ASXL1: variants seen among roughly 807,000 people sequenced by gnomAD.
The protein encoded by ASXL1 is polycomb group protein ASXL1.
ASXL1 carries 65 observed loss-of-function variants against 89.1 expected under a neutral mutation model. The ratio of observed to expected loss-of-function variants is 0.73; its 90% CI spans 0.60 to 0.90. The LOEUF (loss-of-function observed/expected upper bound fraction) is 0.90. Among genes scored for constraint, ASXL1 ranks in the 40% least tolerant of loss-of-function variants. The pLI, the probability that ASXL1 is intolerant of heterozygous loss-of-function variation, is 0.00. For missense variants in ASXL1, 1,786 were observed against 1,942.9 expected (o/e 0.92, Z 1.52); for synonymous variants, 739 against 746.9 (o/e 0.99, Z 0.17).
chr20:32,424,396 G>A (rs757298834), intron 4 of ASXL1, among the ~76,000 whole-genome samples: 12 of 152,058 alleles, frequency 7.9e-5, no homozygotes, highest in South Asian at 2.1e-4. Flanking sequence ...TTAGCTGGGC[G>A]TGGTGGCAGC....
Position 32,390,329 on chromosome 20 carries a change from A to G in ASXL1, c.252+21206A>G, listed in dbSNP as rs144372937. On this transcript the variant is annotated intron_variant, in intron 4 of 12. Transcript: ENST00000375687. Reference sequence around the variant, plus strand: ...TATACCATCGTAAACTCAAAAAATCATAAGTCAGGGTATGCTGTATATTTT... The same window carrying G: ...TATACCATCGTAAACTCAAAAAATCGTAAGTCAGGGTATGCTGTATATTTT... Among the ~76,000 whole-genome samples, 224 of 152,354 alleles carry G rather than the reference A, an allele frequency of 1.5e-3. 3 individuals are homozygous for G. In the East Asian group the frequency reaches 0.039, roughly 26 times the overall value.
chr20:32,428,652 C>CTTTT lies in ASXL1; in HGVS notation c.471+254_471+257dup, dbSNP rs35966674. 686 of 147,638 alleles carry CTTTT rather than the reference C, an allele frequency of 4.6e-3. 39 individuals carry two copies. Among genetic ancestry groups the CTTTT allele is most frequent in the Middle Eastern group, 0.012 (4 of 332 alleles). 9.1% of individuals were successfully genotyped at this position (147,638 alleles called of 1,614,324 possible). ...CCTTGGCTGAGTGATTTTGTTCATT[C>CTTTT]TTTTTTTTTTTTTTTTTTTTTTTTT... On this transcript the variant is annotated intron_variant, in intron 6 of 12. Coordinates refer to ENST00000375687, the MANE Select transcript of ASXL1 (RefSeq NM_015338.6).
At chr20:32,417,314 TGTGA>T (rs1216825579) in intron 4 of ASXL1, among the ~76,000 whole-genome samples, 3 of 152,202 alleles carry the variant, frequency 2.0e-5, no homozygotes, top group Admixed American at 2.0e-4. Context: ...AAGTTTCAGC[TGTGA>T]GTGGCAACTT....
chr20:32,372,844 C>T (rs893022272), intron 4 of ASXL1, among the ~76,000 whole-genome samples: 52 of 151,786 alleles, frequency 3.4e-4, no homozygotes, highest in Non-Finnish European at 4.9e-4. Context: ...CCGTCTGCCT[C>T]GGCCTCCCAG....
rs547592316 is a variant in ASXL1, at chr20:32,402,780, T to G, written c.253-25348T>G. Among the ~76,000 whole-genome samples the G allele has an allele frequency of 5.3e-4, 80 of 152,336 alleles. No homozygotes were observed. In the South Asian group the frequency reaches 8.7e-3, roughly 17 times the overall value. ...CTTTGGTGTAGTTTATGTTCAAGAC[T>G]TTTCTATTTTCAAATTGGATTTTTT... On this transcript the variant is annotated intron_variant, in intron 4 of 12. Transcript: ENST00000375687.
At chr20:32,376,758 G>A (rs943926771) in intron 4 of ASXL1, among the ~76,000 whole-genome samples, 18 of 147,606 alleles carry the variant, frequency 1.2e-4, no homozygotes, top group Non-Finnish European at 2.5e-4. Context: ...TGGGACATTA[G>A]GGTCAGAATT....
chr20:32,373,507 A>AT (rs2048332852), intron 4 of ASXL1, among the ~76,000 whole-genome samples: 1 of 152,090 alleles, frequency 6.6e-6, no homozygotes, highest in South Asian at 2.1e-4. Context: ...GTGTGCCTTA[A>AT]TTTTTTTGAC....
intron 1 of ASXL1, chr20:32,359,586 A>G: frequency 3.0e-6 from 2 of 675,352 alleles, no homozygotes; most frequent in Non-Finnish European, 2.8e-6. Context: ...GTTTGCCTTC[A>G]GAAGCTGGAC....
At chr20:32,407,561 C>G (rs1360867604) in intron 4 of ASXL1, among the ~76,000 whole-genome samples, 6 of 152,140 alleles carry the variant, frequency 3.9e-5, no homozygotes, top group Non-Finnish European at 8.8e-5. Context: ...TTCCTGGGCT[C>G]AAAGTGATCC....
At chr20:32,372,406 G>A (rs1220256695) in intron 4 of ASXL1, 9 of 1,113,130 alleles carry the variant, frequency 8.1e-6, no homozygotes, top group African/African-American at 1.6e-5. Flanking sequence ...TCTGATATTC[G>A]TTGTGCTCTT....
intron 4 of ASXL1, among the ~76,000 whole-genome samples, chr20:32,379,161 C>CTTTTTTTTTTTTTTTTTTT (rs71187113): frequency 4.9e-5 from 3 of 61,760 alleles, no homozygotes; most frequent in African/African-American, 1.4e-4. Context: ...TAACTTCAGT[C>CTTTTTTTTTTTTTTTTTTT]TTTTTTTTTT....
chr20:32,424,134 A>G (rs17270685), intron 4 of ASXL1, among the ~76,000 whole-genome samples: 57,677 of 152,046 alleles, frequency 0.38, 11,564 homozygotes, highest in East Asian at 0.74. Context: ...AAAGCATTTA[A>G]CACCTAATTT....
At chr20:32,359,621 C>T in intron 1 of ASXL1, 2 of 707,520 alleles carry the variant, frequency 2.8e-6, no homozygotes. Flanking sequence ...TTGAGGAGAA[C>T]TGAATCCACT....
chr20:32,396,762 A>C (rs918906329), intron 4 of ASXL1, among the ~76,000 whole-genome samples: 6 of 152,114 alleles, frequency 3.9e-5, no homozygotes, highest in Non-Finnish European at 8.8e-5. Context: ...TAGTAATATA[A>C]AAAATTTTTT....
chr20:32,400,861 G>A (rs1188054114), intron 4 of ASXL1, among the ~76,000 whole-genome samples: 2 of 152,114 alleles, frequency 1.3e-5, no homozygotes, highest in East Asian at 3.8e-4. Flanking sequence ...CTTCCTTTGG[G>A]GATTACTGTC....
chr20:32,369,382 G>A (rs1480996632), intron 4 of ASXL1, among the ~76,000 whole-genome samples: 1 of 151,974 alleles, frequency 6.6e-6, no homozygotes, highest in Non-Finnish European at 1.5e-5. Flanking sequence ...CCAAGTAGCT[G>A]GGACTACAGG....
chr20:32,429,782 A>G lies in ASXL1; in HGVS notation c.566-119A>G. On this transcript the variant is annotated intron_variant, in intron 7 of 12. Coordinates refer to ENST00000375687, the MANE Select transcript of ASXL1 (RefSeq NM_015338.6). The surrounding 1 kb of genome is among the most constrained non-coding windows in gnomAD (Gnocchi z 4.9). ...GTTTCTCTCAGCCTAAGGCTGGGAGATGGAAGCATCCCAGTATTGCTGGCA... is the reference window on the plus strand; with the variant it reads ...GTTTCTCTCAGCCTAAGGCTGGGAGGTGGAAGCATCCCAGTATTGCTGGCA... 2.2e-6 allele frequency: 3 copies of G among 1,374,912 alleles called. No individual in the cohort carries two copies. Among genetic ancestry groups the G allele is most frequent in the South Asian group, 2.6e-5 (2 of 75,612 alleles). 85.2% of individuals were successfully genotyped at this position (1,374,912 alleles called of 1,614,324 possible).
At chr20:32,405,930 T>C (rs2048946937) in intron 4 of ASXL1, among the ~76,000 whole-genome samples, 1 of 151,358 alleles carries the variant, frequency 6.6e-6, no homozygotes, top group Admixed American at 6.6e-5. Context: ...TGAGATGGGG[T>C]TTTGCTCCTC....
At chr20:32,379,342 G>A (rs143326246) in intron 4 of ASXL1, among the ~76,000 whole-genome samples, 432 of 131,434 alleles carry the variant, frequency 3.3e-3, no homozygotes, top group Non-Finnish European at 5.2e-3. Flanking sequence ...AGACCACCAC[G>A]CCCAACTAAT....
Sources: gnomAD v4.1 joint callset for allele counts (sites outside exome capture counted in the v4.1 genomes callset) on GRCh38, gnomAD v4.1.1 for gene constraint, Gnocchi (gnomAD v3.1) non-coding constraint, MANE v1.5 for transcripts, NCBI Gene and HGNC (gene_info 2026-07-23, HGNC 2026-07-21) for gene names.